The following CUX1 variants were observed in gnomAD, a reference collection of about 807,000 sequenced individuals.
The protein encoded by CUX1 is protein CASP.
In CUX1, 31 loss-of-function variants were observed where a neutral mutation model predicts 158.8. The ratio of observed to expected loss-of-function variants is 0.20; its 90% confidence interval spans 0.15 to 0.26. The LOEUF is 0.26. Among genes scored for constraint, CUX1 ranks in the 10% least tolerant of loss-of-function variants. The pLI, the probability that CUX1 is intolerant of heterozygous loss-of-function variation, is 1.00. For missense variants in CUX1, 1,589 were observed against 2,014.6 expected (o/e 0.79, Z 4.04); for synonymous variants, 879 against 862.1 (o/e 1.02, Z -0.34).
rs1554541925 is a variant in CUX1 at position 102,256,128 on chromosome 7, T to G, written c.*7086T>G. 1.0e-6 allele frequency: 1 copy of G among 985,302 alleles called. No homozygotes were observed. The highest frequency in any genetic ancestry group is 1.2e-6 in the Non-Finnish European group (1 of 829,934). 61.0% of individuals were successfully genotyped at this position (985,302 alleles called of 1,614,324 possible). On this transcript the variant is annotated 3_prime_UTR_variant, in exon 24 of 24. Coordinates refer to ENST00000292535, the MANE Select transcript of CUX1 (RefSeq NM_181552.4). ...CTGGGCGTGCAGGGCCCGCGGGCTC[T>G]GGCCGGAGCCGCTGGCCTGACGAGG...
At chr7:102,265,845 C>T (rs1055996457) in intron 14 of CUX1, among the ~76,000 whole-genome samples, 3 of 151,944 alleles carry the variant, frequency 2.0e-5, no homozygotes, top group Admixed American at 1.3e-4. Context: ...GGTCATGACT[C>T]GGACTAGGTG....
At chr7:102,166,140 A>G (rs1003561362) in intron 9 of CUX1, among the ~76,000 whole-genome samples, 177 of 152,192 alleles carry the variant, frequency 1.2e-3, no homozygotes, top group Non-Finnish European at 3.2e-4. Flanking sequence ...GGTGATGGGC[A>G]TCGGCTTGTG....
At chr7:101,962,135 CTAACAG>C (rs1197962042) in intron 2 of CUX1, among the ~76,000 whole-genome samples, 2 of 151,696 alleles carry the variant, frequency 1.3e-5, no homozygotes, top group Non-Finnish European at 2.9e-5. Flanking sequence ...AAAATATAAA[CTAACAG>C]TAACAGCAGA....
chr7:101,928,136 C>G (rs977153299), intron 2 of CUX1, among the ~76,000 whole-genome samples: 1 of 152,110 alleles, frequency 6.6e-6, no homozygotes, highest in Admixed American at 6.5e-5. Context: ...TTCATGTGCC[C>G]TGGAATTTTA....
At chr7:101,816,982 C>T (rs1791895473), upstream of CUX1, 1 of 984,128 alleles carries the variant, frequency 1.0e-6, no homozygotes, top group African/African-American at 1.8e-5. Context: ...TCGCGGCCGC[C>T]GCGCTCTTTT....
chr7:101,873,555 G>C (rs2131482861), intron 1 of CUX1, among the ~76,000 whole-genome samples: 1 of 152,156 alleles, frequency 6.6e-6, no homozygotes, highest in Middle Eastern at 3.4e-3. Flanking sequence ...TAAATATTGG[G>C]AGATAGATGA....
chr7:101,913,113 T>G, intron 1 of CUX1: 1 of 206,624 alleles, frequency 4.8e-6, no homozygotes, highest in South Asian at 5.5e-5. Context: ...TCAGAAAGGA[T>G]TTGGTGGTAC....
At chr7:101,857,354 C>T (rs1424257045) in intron 1 of CUX1, among the ~76,000 whole-genome samples, 1 of 152,216 alleles carries the variant, frequency 6.6e-6, no homozygotes, top group Non-Finnish European at 1.5e-5. Flanking sequence ...AGTTAAGATG[C>T]GTGGCCACCA....
chr7:102,187,495 AG>A (rs1793757088), intron 11 of CUX1, among the ~76,000 whole-genome samples: 1 of 152,148 alleles, frequency 6.6e-6, no homozygotes, highest in Non-Finnish European at 1.5e-5. Context: ...CCAGGTCAGA[AG>A]TGACAGACTC....
chr7:102,238,306 C>T (rs138261031), intron 22 of CUX1, among the ~76,000 whole-genome samples: 2,380 of 152,244 alleles, frequency 0.016, 62 homozygotes, highest in African/African-American at 0.054. Flanking sequence ...TGGCAACGGG[C>T]GTCTTCCCAG....
In CUX1 at chr7:102,248,226, C is replaced by A. The variant is rs1801025638; in HGVS notation, c.3888-186C>A. 6.6e-6 allele frequency among the ~76,000 whole-genome samples: 1 copy of A among 152,128 alleles called. No individual in the cohort carries two copies. Among genetic ancestry groups the A allele is most frequent in the Non-Finnish European group, 1.5e-5 (1 of 68,000 alleles). On this transcript the variant is annotated intron_variant, in intron 23 of 23. Transcript: ENST00000292535. This position sits in a 1 kb window ranked among gnomAD's most constrained non-coding sequence, Gnocchi z 5.8. ...CCCTGGGATGGCTCCTGGCCAGGCCCGGAGGGGTGGGTGGTGACTCTGGAG... is the reference window on the plus strand; with the variant it reads ...CCCTGGGATGGCTCCTGGCCAGGCCAGGAGGGGTGGGTGGTGACTCTGGAG...
In CUX1 at chr7:102,251,101, G is replaced by T; in HGVS notation, c.*2059G>T. ...TGGGTATAATTTACAAGATGTAGTT[G>T]TCATACTGTATATTACTGATTGAAA... On this transcript the variant is annotated 3_prime_UTR_variant, in exon 24 of 24. Coordinates refer to ENST00000292535, the MANE Select transcript of CUX1 (RefSeq NM_181552.4). 1 of 985,286 alleles carries T rather than the reference G, an allele frequency of 1.0e-6. No homozygotes were observed. Among genetic ancestry groups the T allele is most frequent in the Non-Finnish European group, 1.2e-6 (1 of 829,864 alleles). The allele number at this position is 985,286 out of a possible 1,614,324, so 61.0% of individuals were successfully genotyped here.
At chr7:102,040,666 A>G (rs1244236664) in intron 3 of CUX1, among the ~76,000 whole-genome samples, 5 of 152,240 alleles carry the variant, frequency 3.3e-5, no homozygotes, top group South Asian at 2.1e-4. Flanking sequence ...CTTGCAGCCC[A>G]TATCTGTTGA....
chr7:102,130,344 G>A (rs996307399), intron 8 of CUX1, among the ~76,000 whole-genome samples: 3 of 152,148 alleles, frequency 2.0e-5, no homozygotes, highest in African/African-American at 7.2e-5. Context: ...GACCACAGCA[G>A]TGCCCTCTGA....
intron 1 of CUX1, among the ~76,000 whole-genome samples, chr7:101,829,360 C>T (rs1038075885): frequency 1.3e-5 from 2 of 152,094 alleles, no homozygotes; most frequent in African/African-American, 4.8e-5. Context: ...TGTTTTTGTG[C>T]ACTAACAGTA....
At chr7:101,926,108 G>C (rs1246922688) in intron 2 of CUX1, among the ~76,000 whole-genome samples, 2 of 152,000 alleles carry the variant, frequency 1.3e-5, no homozygotes, top group African/African-American at 4.8e-5. Flanking sequence ...TTTTTGCAGG[G>C]GGCAGTTTGG....
chr7:102,170,069 G>T (rs1379805998), intron 9 of CUX1, among the ~76,000 whole-genome samples: 1 of 152,186 alleles, frequency 6.6e-6, no homozygotes. Flanking sequence ...TTACCCGTGA[G>T]AATTACTCCC....
rs1795749141 is a variant in CUX1 at position 102,204,435 on chromosome 7, A to G, written c.2952A>G (p.Arg984=). 6.2e-7 allele frequency: 1 copy of G among 1,613,678 alleles called. No homozygotes were observed. Among genetic ancestry groups the G allele is most frequent in the Non-Finnish European group, 8.5e-7 (1 of 1,180,030 alleles). The stretch of plus-strand genomic sequence containing the variant: ...GCAGCGTCAGCGACATGCTGTCCCG[A>G]CCGAAGCCATGGAGCAAGCTGACGC... ...SQGSVSDMLS[R]PKPWSKLTQK... is the part of the protein sequence containing the mutation. The change falls in exon 19 of 24, where the codon CGA becomes CGG. Residue 984 remains arginine (R), a synonymous_variant. Transcript: ENST00000292535.
chr7:102,110,078 AC>A (rs1338037783), intron 6 of CUX1, among the ~76,000 whole-genome samples: 1 of 152,178 alleles, frequency 6.6e-6, no homozygotes, highest in Non-Finnish European at 1.5e-5. Context: ...CGTTGTGATC[AC>A]CTTTGTATTA....
Sources: gnomAD v4.1 joint callset for allele counts (sites outside exome capture counted in the v4.1 genomes callset) on GRCh38, gnomAD v4.1.1 for gene constraint, Gnocchi (gnomAD v3.1) non-coding constraint, MANE v1.5 for transcripts, NCBI Gene and HGNC (gene_info 2026-07-23, HGNC 2026-07-21) for gene names.